Variants in TIAM2 observed in about 807,000 individuals in gnomAD.
TIAM2 encodes the protein TIAM Rac1 associated GEF 2, also known as rho guanine nucleotide exchange factor TIAM2.
In TIAM2, 80 loss-of-function variants were observed where a neutral mutation model predicts 152.9. That is an observed-to-expected ratio of 0.52 (90% CI 0.44 to 0.63). TIAM2 has a LOEUF of 0.63. Among genes scored for constraint, TIAM2 ranks in the 30% least tolerant of loss-of-function variants. The pLI is 0.00. For synonymous variants in TIAM2, 804 were observed against 838.0 expected (o/e 0.96, Z 0.70); for missense variants, 1,965 against 2,120.1 (o/e 0.93, Z 1.44).
chr6:155,102,414 G>A (rs1778571563), intron 2 of TIAM2, among the ~76,000 whole-genome samples: 1 of 152,172 alleles, frequency 6.6e-6, no homozygotes, highest in African/African-American at 2.4e-5. Flanking sequence ...AAGGATATGG[G>A]ATTCAGGAAG....
At chr6:155,205,552 A>G (rs1179575820) in intron 14 of TIAM2, among the ~76,000 whole-genome samples, 2 of 152,194 alleles carry the variant, frequency 1.3e-5, no homozygotes, top group Non-Finnish European at 2.9e-5. Context: ...TCCAGGGACT[A>G]CAAAGAACTT....
chr6:155,129,873 G>C lies in TIAM2; in HGVS notation c.650G>C (p.Gly217Ala). The C allele has an allele frequency of 6.2e-7, 1 of 1,613,674 alleles. No homozygotes were observed. The highest frequency in any genetic ancestry group is 8.5e-7 in the Non-Finnish European group (1 of 1,180,010). Residue 217 changes from glycine (G) to alanine (A), a missense_variant, in exon 4 of 27, where the codon GGG (glycine) becomes GCG (alanine). Around this residue, in one of 3 missense-constraint regions of TIAM2, gnomAD observed 1,025 missense variants for 1,119.4 expected, o/e 0.92. Coordinates refer to ENST00000682666, the MANE Select transcript of TIAM2 (RefSeq NM_012454.4). The surrounding 1 kb of genome is among the most constrained non-coding windows in gnomAD (Gnocchi z 4.8). ...TCCCCTGTGCCTGAAGCCAGGAGGG[G>C]GTCCAGCGCCGATTCCCTGCCCAGC... ...ETSPVPEARR[G>A]SSADSLPSHR... is the part of the protein sequence containing the mutation.
Position 155,026,116 on chromosome 6 carries a change from A to G in TIAM2, c.-209+30624A>G, listed in dbSNP as rs192985405. Among the ~76,000 whole-genome samples the G allele has an allele frequency of 9.2e-5, 14 of 152,306 alleles. No homozygotes were observed. The South Asian group carries it at 1.5e-3, about 16-fold the overall frequency. The stretch of plus-strand genomic sequence containing the variant: ...CTATATGGAAACATAAAACAGCTCA[A>G]ATCCAGGCATTCAGCTTTGTCTTCT... On this transcript the variant is annotated intron_variant, in intron 1 of 26. Coordinates refer to ENST00000682666, the MANE Select transcript of TIAM2 (RefSeq NM_012454.4).
At chr6:155,244,523 C>G in intron 17 of TIAM2, 135 bp from the exon 18 acceptor site, 1 of 1,092,494 alleles carries the variant, frequency 9.2e-7, no homozygotes, top group Non-Finnish European at 1.3e-6. Context: ...AATGTGCTGT[C>G]TTCTTAAAGG....
intron 2 of TIAM2, among the ~76,000 whole-genome samples, chr6:155,099,851 G>A (rs921095850): frequency 6.6e-6 from 1 of 152,196 alleles, no homozygotes; most frequent in African/African-American, 2.4e-5. Flanking sequence ...AGATGGTACA[G>A]CCTACTACAC....
At chr6:155,163,974 T>TG (rs1780341202) in intron 7 of TIAM2, among the ~76,000 whole-genome samples, 1 of 151,332 alleles carries the variant, frequency 6.6e-6, no homozygotes, top group African/African-American at 2.4e-5. Context: ...TTGTTTTTTT[T>TG]TTTGAGACGG....
chr6:155,081,946 C>T (rs550289604), intron 1 of TIAM2, among the ~76,000 whole-genome samples: 1 of 152,158 alleles, frequency 6.6e-6, no homozygotes, highest in South Asian at 2.1e-4. Flanking sequence ...ATTCAGTGGT[C>T]CCCCATTTGG....
chr6:155,113,463 A>G (rs1165844428), intron 2 of TIAM2, among the ~76,000 whole-genome samples: 1 of 152,100 alleles, frequency 6.6e-6, no homozygotes, highest in East Asian at 1.9e-4. Flanking sequence ...GCTCATGCCT[A>G]TAATCTTAGC....
At chr6:155,209,612 G>C (rs1313670992) in intron 14 of TIAM2, among the ~76,000 whole-genome samples, 1 of 152,084 alleles carries the variant, frequency 6.6e-6, no homozygotes, top group Admixed American at 6.6e-5. Flanking sequence ...CATGCCTTTC[G>C]GGTCAGCACT....
chr6:155,066,956 T>C, intron 1 of TIAM2, among the ~76,000 whole-genome samples: 1 of 152,148 alleles, frequency 6.6e-6, no homozygotes, highest in Non-Finnish European at 1.5e-5. Flanking sequence ...AGGGTTTTGC[T>C]ATATTAGCCA....
intron 1 of TIAM2, among the ~76,000 whole-genome samples, chr6:155,058,924 C>T (rs1436655294): frequency 6.6e-6 from 1 of 152,074 alleles, no homozygotes; most frequent in African/African-American, 2.4e-5. Context: ...CTAACGTAAA[C>T]TGGAGAGGAG....
At chr6:155,104,533 A>G (rs570465441) in intron 2 of TIAM2, among the ~76,000 whole-genome samples, 80 of 152,250 alleles carry the variant, frequency 5.3e-4, no homozygotes, top group East Asian at 2.9e-3. Flanking sequence ...CAAGGTGGGC[A>G]GATCATGAGG....
intron 1 of TIAM2, among the ~76,000 whole-genome samples, chr6:155,015,345 C>T (rs1294888151): frequency 6.6e-6 from 1 of 152,066 alleles, no homozygotes; most frequent in Non-Finnish European, 1.5e-5. Flanking sequence ...TGTCAGCAGG[C>T]TCTATGGGAA....
chr6:155,228,016 A>C (rs139283912), intron 15 of TIAM2, among the ~76,000 whole-genome samples: 30 of 152,334 alleles, frequency 2.0e-4, no homozygotes, highest in Admixed American at 1.3e-3. Flanking sequence ...TTTCTAGGTT[A>C]AGGCAGCCGG....
chr6:155,187,573 CTTTT>C (rs59818801), intron 14 of TIAM2, among the ~76,000 whole-genome samples: 875 of 49,568 alleles, frequency 0.018, 8 homozygotes, highest in African/African-American at 0.066. Context: ...ACCCCGCCCC[CTTTT>C]TTTTTTTTTT....
At chr6:155,104,417 A>G (rs776328197) in intron 2 of TIAM2, among the ~76,000 whole-genome samples, 11 of 151,974 alleles carry the variant, frequency 7.2e-5, no homozygotes, top group Admixed American at 1.3e-4. Flanking sequence ...TTTTATAACT[A>G]TTACACTGAT....
intron 15 of TIAM2, among the ~76,000 whole-genome samples, chr6:155,225,973 G>A (rs1782226255): frequency 6.6e-6 from 1 of 152,172 alleles, no homozygotes; most frequent in Non-Finnish European, 1.5e-5. Context: ...GCTTAATTAA[G>A]GTTGCCAGGA....
At chr6:154,999,803 C>T (rs1418408243) in intron 1 of TIAM2, among the ~76,000 whole-genome samples, 1 of 152,082 alleles carries the variant, frequency 6.6e-6, no homozygotes, top group East Asian at 1.9e-4. Flanking sequence ...CTCAGCCTCC[C>T]GAGTAGCTGG....
intron 14 of TIAM2, among the ~76,000 whole-genome samples, chr6:155,191,323 G>A (rs1227209766): frequency 6.6e-6 from 1 of 152,136 alleles, no homozygotes; most frequent in Admixed American, 6.5e-5. Context: ...TAGGAGCAAC[G>A]GACTAGTATT....
Sources: allele counts gnomAD v4.1 joint callset (sites outside exome capture counted in the v4.1 genomes callset), GRCh38; gene constraint gnomAD v4.1.1; regional missense constraint gnomAD v4.1.1; non-coding constraint Gnocchi (gnomAD v3.1); transcripts MANE v1.5; gene names NCBI Gene and HGNC (gene_info 2026-07-23, HGNC 2026-07-21).